ZC3H6: variants seen among roughly 807,000 people sequenced by gnomAD.
ZC3H6 encodes zinc finger CCCH domain-containing protein 6.
In ZC3H6, 40 loss-of-function variants were observed where a neutral mutation model predicts 107.7. The observed-to-expected ratio is 0.37, with a 90% confidence interval of 0.29 to 0.48. The LOEUF (loss-of-function observed/expected upper bound fraction) is 0.48. Among genes scored for constraint, ZC3H6 ranks in the 20% least tolerant of loss-of-function variants. The pLI, the probability that ZC3H6 is intolerant of heterozygous loss-of-function variation, is 0.98. For missense variants in ZC3H6, 1,267 were observed against 1,410.4 expected (o/e 0.90, Z 1.63); for synonymous variants, 493 against 487.9 (o/e 1.01, Z -0.14).
chr2:112,290,155 A>G (rs1433082717), intron 1 of ZC3H6, among the ~76,000 whole-genome samples: 3 of 152,248 alleles, frequency 2.0e-5, no homozygotes, highest in Admixed American at 2.0e-4. Flanking sequence ...CAAATCCCAT[A>G]CTGTCACCCA....
chr2:112,326,813 G>C (rs920325082), intron 11 of ZC3H6, among the ~76,000 whole-genome samples: 1 of 151,828 alleles, frequency 6.6e-6, no homozygotes, highest in Admixed American at 6.6e-5. Context: ...GGGTTTCACT[G>C]TGTTGGCCAC....
rs905259483 is a variant in ZC3H6 at position 112,322,748 on chromosome 2, G to A, written c.1186G>A (p.Val396Ile). Residue 396 changes from valine (V) to isoleucine (I), a missense_variant, in exon 9 of 12, where the codon GTT (valine) becomes ATT (isoleucine). Val to Ile is a conservative substitution (Grantham distance 29). Around this residue, in one of 3 missense-constraint regions of ZC3H6, gnomAD observed 925 missense variants for 1,025.7 expected, o/e 0.90. Transcript: ENST00000409871. ...ITPLPKPPPG[V>I]GLLPTPPEHF... is the part of the protein sequence containing the mutation. The stretch of plus-strand genomic sequence containing the variant: ...TCCTCTTCCCAAACCACCTCCAGGG[G>A]TTGGGCTTCTGCCAACCCCTCCAGA... 1.2e-6 allele frequency: 2 copies of A among 1,613,862 alleles called. No homozygotes were observed. Among genetic ancestry groups the A allele is most frequent in the African/African-American group, 1.3e-5 (1 of 75,026 alleles).
chr2:112,304,976 A>G (rs527347727), intron 3 of ZC3H6, among the ~76,000 whole-genome samples: 1 of 152,206 alleles, frequency 6.6e-6, no homozygotes, highest in East Asian at 1.9e-4. Context: ...ATTTGAAAAG[A>G]ATTATACACT....
At chr2:112,286,916 C>T (rs1686620495) in intron 1 of ZC3H6, among the ~76,000 whole-genome samples, 1 of 152,092 alleles carries the variant, frequency 6.6e-6, no homozygotes, top group African/African-American at 2.4e-5. Flanking sequence ...AAAAAATCTA[C>T]TCCCCTATGC....
intron 5 of ZC3H6, 141 bp downstream of exon 5, chr2:112,312,078 C>A (rs1401153401): frequency 2.4e-6 from 2 of 818,064 alleles, no homozygotes; most frequent in Non-Finnish European, 1.7e-6. Context: ...GTATCAATAA[C>A]CTCCAAAAAA....
chr2:112,321,777 A>G lies in ZC3H6; in HGVS notation c.998A>G (p.Tyr333Cys), dbSNP rs563629081. Reference protein sequence around the residue: ...YMHNEFPCKFYHSGAKCYQGD... With the variant: ...YMHNEFPCKFCHSGAKCYQGD... ...TTACATGAATTTCCATGCAAGTTCT[A>G]TCATAGTGGAGCAAAATGTTACCAG... Residue 333 changes from tyrosine (Y) to cysteine (C), a missense_variant, in exon 8 of 12, where the codon TAT (tyrosine) becomes TGT (cysteine). Physicochemically the swap from Tyr to Cys is radical, Grantham distance 194 (BLOSUM62 -2). Coordinates refer to ENST00000409871, the MANE Select transcript of ZC3H6 (RefSeq NM_198581.3). 6.5e-7 allele frequency: 1 copy of G among 1,537,372 alleles called. No homozygotes were observed. Among genetic ancestry groups the G allele is most frequent in the Non-Finnish European group, 8.8e-7 (1 of 1,140,326 alleles).
intron 1 of ZC3H6, among the ~76,000 whole-genome samples, chr2:112,282,826 A>T (rs1327049918): frequency 6.6e-6 from 1 of 152,256 alleles, no homozygotes; most frequent in Non-Finnish European, 1.5e-5. Context: ...TTTAAATGGC[A>T]TCGGCGCTGA....
At chr2:112,323,708 C>G (rs1057427908) in intron 9 of ZC3H6, among the ~76,000 whole-genome samples, 2 of 152,092 alleles carry the variant, frequency 1.3e-5, no homozygotes, top group African/African-American at 2.4e-5. Context: ...GAGCAACATT[C>G]AAAAACTGAA....
chr2:112,322,994 T>A, intron 9 of ZC3H6, 92 bp downstream of exon 9: 1 of 1,372,270 alleles, frequency 7.3e-7, no homozygotes, highest in Non-Finnish European at 9.9e-7. Context: ...ATCATGTAAT[T>A]AAACTTGGTT....
intron 7 of ZC3H6, among the ~76,000 whole-genome samples, chr2:112,317,745 C>T (rs1398568536): frequency 6.6e-6 from 1 of 152,118 alleles, no homozygotes; most frequent in Non-Finnish European, 1.5e-5. Flanking sequence ...GTATATTCTT[C>T]CCCACTCTCC....
At chr2:112,304,273 C>T (rs1395588035) in intron 3 of ZC3H6, among the ~76,000 whole-genome samples, 2 of 152,068 alleles carry the variant, frequency 1.3e-5, no homozygotes, top group African/African-American at 4.8e-5. Flanking sequence ...AATTTGAAAT[C>T]TTTGAACAAA....
chr2:112,317,717 C>T lies in ZC3H6; in HGVS notation c.976+385C>T, dbSNP rs556198584. Among the ~76,000 whole-genome samples, 13 of 152,118 alleles carry T rather than the reference C, an allele frequency of 8.5e-5. No individual in the cohort carries two copies. In the South Asian group the frequency reaches 2.7e-3, roughly 32 times the overall value. On this transcript the variant is annotated intron_variant, in intron 7 of 11. Transcript: ENST00000409871. Reference sequence around the variant, plus strand: ...GATTATAAGTCTTATCAAATCTTACCACTCAATGATAGATGCTGTATATTC... The same window carrying T: ...GATTATAAGTCTTATCAAATCTTACTACTCAATGATAGATGCTGTATATTC...
At position 112,336,495 on chromosome 2, in the gene ZC3H6, G is replaced by A. The variant is rs1418466529; in HGVS notation, c.*4007G>A. 2 of 152,142 alleles carry A rather than the reference G, an allele frequency of 1.3e-5. No individual in the cohort carries two copies. Among genetic ancestry groups the A allele is most frequent in the Non-Finnish European group, 2.9e-5 (2 of 68,020 alleles). The allele number at this position is 152,142 out of a possible 1,614,324, so 9.4% of individuals were successfully genotyped here. A position where few individuals can be genotyped will look rare whatever the true frequency, so the allele number is the denominator to read the frequency against. On this transcript the variant is annotated 3_prime_UTR_variant, in exon 12 of 12. Coordinates refer to ENST00000409871, the MANE Select transcript of ZC3H6 (RefSeq NM_198581.3). ...TAAACTATAATTATAGTTTAAATAA[G>A]ACTTAGTTTAGGAAATCCAAGTTTT...
At chr2:112,323,864 G>A (rs1271529086) in intron 9 of ZC3H6, among the ~76,000 whole-genome samples, 1 of 152,104 alleles carries the variant, frequency 6.6e-6, no homozygotes, top group African/African-American at 2.4e-5. Context: ...TTTTATCTCT[G>A]GGTAGTGGGA....
At position 112,333,221 on chromosome 2, in the gene ZC3H6, G is replaced by T. The variant is rs1677071064; in HGVS notation, c.*733G>T. The T allele has an allele frequency of 6.6e-6, 1 of 152,514 alleles. No individual in the cohort carries two copies. The highest frequency in any genetic ancestry group is 1.5e-5 in the Non-Finnish European group (1 of 67,970). 9.4% of individuals were successfully genotyped at this position (152,514 alleles called of 1,614,324 possible). ...TGAAATAGCAATTAGTTACTGCTGTGTTACATTGTGATGTTTATGTATGTC... is the reference window on the plus strand; with the variant it reads ...TGAAATAGCAATTAGTTACTGCTGTTTTACATTGTGATGTTTATGTATGTC... On this transcript the variant is annotated 3_prime_UTR_variant, in exon 12 of 12. Transcript: ENST00000409871.
chr2:112,286,877 G>A (rs1412240184), intron 1 of ZC3H6, among the ~76,000 whole-genome samples: 1 of 152,114 alleles, frequency 6.6e-6, no homozygotes, highest in Non-Finnish European at 1.5e-5. Flanking sequence ...GAATACTTAG[G>A]CCAAAGTATA....
At chr2:112,306,170 A>G (rs922276373) in intron 3 of ZC3H6, among the ~76,000 whole-genome samples, 1 of 115,974 alleles carries the variant, frequency 8.6e-6, no homozygotes, top group Non-Finnish European at 1.7e-5. Flanking sequence ...TGAAGTCTGT[A>G]TTTCTTTTTT....
intron 7 of ZC3H6, among the ~76,000 whole-genome samples, chr2:112,319,393 C>T (rs977980889): frequency 6.6e-6 from 1 of 152,110 alleles, no homozygotes; most frequent in Non-Finnish European, 1.5e-5. Flanking sequence ...TGCCTGTAAT[C>T]CCACCACTTT....
At chr2:112,305,094 CTGT>C (rs1676451613) in intron 3 of ZC3H6, among the ~76,000 whole-genome samples, 1 of 152,088 alleles carries the variant, frequency 6.6e-6, no homozygotes, top group Non-Finnish European at 1.5e-5. Flanking sequence ...CATTTTATAA[CTGT>C]TCATTAAAAA....
Sources: allele counts gnomAD v4.1 joint callset (sites outside exome capture counted in the v4.1 genomes callset), GRCh38; gene constraint gnomAD v4.1.1; regional missense constraint gnomAD v4.1.1; transcripts MANE v1.5; gene names NCBI Gene and HGNC (gene_info 2026-07-23, HGNC 2026-07-21).